The following PPM1E variants were observed in gnomAD, a reference collection of about 807,000 sequenced individuals.
PPM1E encodes protein phosphatase, Mg2+/Mn2+ dependent 1E, also known as protein phosphatase 1E.
Under a neutral mutation model 65.9 loss-of-function variants are expected in PPM1E, and 20 were observed. The ratio of observed to expected loss-of-function variants is 0.30; its 90% CI spans 0.21 to 0.44. The LOEUF (loss-of-function observed/expected upper bound fraction) is 0.44, where lower values mean the gene tolerates loss of function less well. Ranked by LOEUF, PPM1E falls within the 20% of genes least tolerant of loss-of-function variation. The pLI is 1.00. For synonymous variants in PPM1E, 352 were observed against 374.9 expected (o/e 0.94, Z 0.70); for missense variants, 713 against 953.1 (o/e 0.75, Z 3.32).
intron 1 of PPM1E, among the ~76,000 whole-genome samples, chr17:58,840,242 G>T (rs1248539111): frequency 6.6e-6 from 1 of 152,198 alleles, no homozygotes; most frequent in African/African-American, 2.4e-5. Context: ...TTGGTGTCCA[G>T]AGTTTTTGTT....
chr17:58,785,458 T>TA, intron 1 of PPM1E: 1 of 88,966 alleles, frequency 1.1e-5, no homozygotes, highest in Admixed American at 1.2e-4. Context: ...CCTGGCTAAT[T>TA]TATATATATA....
chr17:58,796,248 T>G (rs2050204900), intron 1 of PPM1E, among the ~76,000 whole-genome samples: 1 of 152,160 alleles, frequency 6.6e-6, no homozygotes, highest in African/African-American at 2.4e-5. Flanking sequence ...CTCATTATGG[T>G]TCCCCAGGCT....
At chr17:58,816,791 TA>T (rs1395466743) in intron 1 of PPM1E, among the ~76,000 whole-genome samples, 29 of 9,790 alleles carry the variant, frequency 3.0e-3, no homozygotes, top group Non-Finnish European at 4.8e-3. Flanking sequence ...TATATATATA[TA>T]TATTTTTTTT....
intron 1 of PPM1E, among the ~76,000 whole-genome samples, chr17:58,797,209 T>C (rs779486066): frequency 6.6e-6 from 1 of 152,192 alleles, no homozygotes; most frequent in Non-Finnish European, 1.5e-5. Flanking sequence ...CAACAAGTCA[T>C]TGATTACTTT....
At chr17:58,894,516 A>G (rs1018179137) in intron 1 of PPM1E, among the ~76,000 whole-genome samples, 3 of 152,186 alleles carry the variant, frequency 2.0e-5, no homozygotes, top group Non-Finnish European at 4.4e-5. Flanking sequence ...AGTTTTACCC[A>G]TAATTGATTT....
At chr17:58,968,991 ATT>A (rs1173782647) in intron 3 of PPM1E, among the ~76,000 whole-genome samples, 25 of 152,348 alleles carry the variant, frequency 1.6e-4, no homozygotes, top group African/African-American at 6.0e-4. Context: ...ACTGGGAATG[ATT>A]TATGAAGAAG....
At chr17:58,803,806 A>G (rs2050280655) in intron 1 of PPM1E, among the ~76,000 whole-genome samples, 1 of 152,252 alleles carries the variant, frequency 6.6e-6, no homozygotes. Flanking sequence ...CTAGGCTGCC[A>G]GGATTTACGC....
At chr17:58,889,183 A>G (rs187251880) in intron 1 of PPM1E, among the ~76,000 whole-genome samples, 16 of 152,306 alleles carry the variant, frequency 1.1e-4, no homozygotes, top group African/African-American at 3.8e-4. Flanking sequence ...TAAGGATATT[A>G]CCTGCTTCTT....
chr17:58,831,815 A>G (rs557980895), intron 1 of PPM1E, among the ~76,000 whole-genome samples: 2 of 152,124 alleles, frequency 1.3e-5, no homozygotes, highest in Non-Finnish European at 2.9e-5. Flanking sequence ...TTTTTTGTCT[A>G]CTATCATTTC....
intron 1 of PPM1E, among the ~76,000 whole-genome samples, chr17:58,796,572 T>C (rs1454118657): frequency 6.6e-6 from 1 of 152,066 alleles, no homozygotes; most frequent in East Asian, 1.9e-4. Flanking sequence ...GCTTGGCCTC[T>C]ATGGCACTTT....
chr17:58,853,235 T>C (rs1036727628), intron 1 of PPM1E, among the ~76,000 whole-genome samples: 2 of 152,186 alleles, frequency 1.3e-5, no homozygotes, highest in African/African-American at 4.8e-5. Context: ...AATTTTATAG[T>C]ATTAGGTCTT....
chr17:58,877,529 T>A (rs2051141559), intron 1 of PPM1E, among the ~76,000 whole-genome samples: 1 of 152,196 alleles, frequency 6.6e-6, no homozygotes, highest in Admixed American at 6.5e-5. Flanking sequence ...TTTTAAAATG[T>A]ATTTTAGAAT....
chr17:58,871,049 TTTTG>T (rs1300845639), intron 1 of PPM1E, among the ~76,000 whole-genome samples: 1 of 152,108 alleles, frequency 6.6e-6, no homozygotes, highest in African/African-American at 2.4e-5. Flanking sequence ...ACTTTATGGT[TTTTG>T]TTTGTTTGTT....
Position 58,955,712 on chromosome 17 carries a change from T to G in PPM1E, c.528T>G (p.Ser176Arg). ...CCACATCAGATGAAGTCCTTCAGAG[T>G]GATCTTTCTGCACATTATATCCCAA... The part of the protein sequence containing the change: ...ARATSDEVLQ[S>R]DLSAHYIPKE... The change falls in exon 2 of 7, where the codon AGT (serine) becomes AGG (arginine). Residue 176 changes from serine (S) to arginine (R), a missense_variant. By Grantham distance (110) the Ser-to-Arg change is moderately radical (BLOSUM62 -1). Around this residue, in one of 6 missense-constraint regions of PPM1E, gnomAD observed 84 missense variants for 113.9 expected, o/e 0.74. Coordinates refer to ENST00000308249, the MANE Select transcript of PPM1E (RefSeq NM_014906.5). 6.2e-7 allele frequency: 1 copy of G among 1,613,390 alleles called. No individual in the cohort carries two copies. Among genetic ancestry groups the G allele is most frequent in the Non-Finnish European group, 8.5e-7 (1 of 1,179,832 alleles).
intron 1 of PPM1E, among the ~76,000 whole-genome samples, chr17:58,845,154 A>G (rs1341573962): frequency 6.6e-6 from 1 of 152,162 alleles, no homozygotes; most frequent in Non-Finnish European, 1.5e-5. Flanking sequence ...GAAATTTCTG[A>G]CATTGTAAAT....
intron 1 of PPM1E, among the ~76,000 whole-genome samples, chr17:58,761,490 C>G (rs1342319311): frequency 6.6e-6 from 1 of 152,186 alleles, no homozygotes; most frequent in Non-Finnish European, 1.5e-5. Context: ...TTCATCCCAG[C>G]TCTACCCCTC....
chr17:58,786,296 G>A (rs2050100425), intron 1 of PPM1E, among the ~76,000 whole-genome samples: 1 of 152,140 alleles, frequency 6.6e-6, no homozygotes, highest in Non-Finnish European at 1.5e-5. Context: ...TTACAGGTGT[G>A]AGCCATCGGG....
intron 1 of PPM1E, among the ~76,000 whole-genome samples, chr17:58,947,110 G>GTTTTTTT (rs56666470): frequency 2.3e-5 from 1 of 44,072 alleles, no homozygotes; most frequent in Non-Finnish European, 3.7e-5. Context: ...CCTTTTTCCT[G>GTTTTTTT]TTTTTTTTTT....
At chr17:58,936,951 A>G (rs577702895) in intron 1 of PPM1E, among the ~76,000 whole-genome samples, 11 of 152,232 alleles carry the variant, frequency 7.2e-5, no homozygotes, top group African/African-American at 2.4e-4. Context: ...CTCTAATGGA[A>G]AATACGAATT....
Sources: gnomAD v4.1 joint callset for allele counts (sites outside exome capture counted in the v4.1 genomes callset) on GRCh38, gnomAD v4.1.1 for gene constraint, gnomAD v4.1.1 regional missense constraint, MANE v1.5 for transcripts, NCBI Gene and HGNC (gene_info 2026-07-23, HGNC 2026-07-21) for gene names.